The following LCA5 variants were observed in gnomAD, a reference collection of about 807,000 sequenced individuals.
LCA5 encodes the protein lebercilin.
In LCA5, 37 loss-of-function variants were observed where a neutral mutation model predicts 53.0. The observed-to-expected ratio is 0.70, with a 90% CI of 0.54 to 0.92. The LOEUF is 0.92. LCA5 is among the 40% of genes least tolerant of loss of function. The probability of loss-of-function intolerance (pLI) is 0.00; values close to 1 mark genes in which losing one functional copy is unlikely to be tolerated. For missense variants in LCA5, 806 were observed against 790.5 expected (o/e 1.02, Z -0.23); for synonymous variants, 303 against 282.9 (o/e 1.07, Z -0.71).
At chr6:79,529,215 ACT>A in intron 1 of LCA5, among the ~76,000 whole-genome samples, 1 of 152,284 alleles carries the variant, frequency 6.6e-6, no homozygotes, top group African/African-American at 2.4e-5. Context: ...AATTAAACTC[ACT>A]CTCCTAGAAA....
chr6:79,526,093 T>A (rs1167508741), intron 1 of LCA5, among the ~76,000 whole-genome samples: 1 of 152,110 alleles, frequency 6.6e-6, no homozygotes, highest in Non-Finnish European at 1.5e-5. Context: ...CCTCCCGAAC[T>A]AAGACCATTT....
chr6:79,520,999 T>C (rs185353765), intron 1 of LCA5, among the ~76,000 whole-genome samples: 3 of 152,354 alleles, frequency 2.0e-5, no homozygotes, highest in Non-Finnish European at 4.4e-5. Context: ...AAATGTTCTA[T>C]AGTCTGTGCT....
intron 1 of LCA5, among the ~76,000 whole-genome samples, chr6:79,529,952 G>GTTCA (rs1185564973): frequency 8.6e-6 from 1 of 116,140 alleles, no homozygotes; most frequent in Non-Finnish European, 1.7e-5. Flanking sequence ...ACCAGGGGCT[G>GTTCA]TTGTGGGGTG....
At chr6:79,490,259 T>G (rs1769800661) in intron 6 of LCA5, among the ~76,000 whole-genome samples, 3 of 151,982 alleles carry the variant, frequency 2.0e-5, no homozygotes, top group African/African-American at 7.2e-5. Flanking sequence ...TCTAAAGAGC[T>G]TTATAAATGT....
chr6:79,489,898 G>C (rs1769790071), intron 6 of LCA5, among the ~76,000 whole-genome samples: 1 of 152,012 alleles, frequency 6.6e-6, no homozygotes, highest in South Asian at 2.1e-4. Context: ...CAGCTAGAAA[G>C]AACTAATGGA....
At chr6:79,528,211 T>C (rs1173524150) in intron 1 of LCA5, among the ~76,000 whole-genome samples, 2 of 152,212 alleles carry the variant, frequency 1.3e-5, no homozygotes, top group African/African-American at 2.4e-5. Context: ...CATTGTTCTT[T>C]CCTGCATTGC....
chr6:79,517,953 C>T (rs900987039), intron 2 of LCA5, among the ~76,000 whole-genome samples: 1 of 152,140 alleles, frequency 6.6e-6, no homozygotes, highest in African/African-American at 2.4e-5. Context: ...TAAGCTACTG[C>T]TGTGCTACTT....
Position 79,487,345 on chromosome 6 carries a change from C to A in LCA5, c.1753G>T (p.Glu585Ter). 1 of 1,613,720 alleles carries A rather than the reference C, an allele frequency of 6.2e-7. No homozygotes were observed. Among genetic ancestry groups the A allele is most frequent in the Non-Finnish European group, 8.5e-7 (1 of 1,179,856 alleles). The change falls in exon 8 of 8, where the codon GAA becomes TAA. Residue 585 changes from glutamate to a stop codon, truncating the protein, a stop_gained. Coordinates refer to ENST00000369846, the MANE Select transcript of LCA5 (RefSeq NM_001122769.3). LOFTEE classifies it low-confidence loss of function (END_TRUNC). ...SFLDFQRNSM[E>*]KLSKDGVDLI... The stretch of plus-strand genomic sequence containing the variant: ...TCTACACCATCTTTACTAAGTTTTT[C>A]CATACTGTTTCTTTGGAAATCCAAA...
At position 79,492,609 on chromosome 6, in the gene LCA5, A is replaced by G. The variant is rs767145624; in HGVS notation, c.897T>C (p.Ser299=). The G allele has an allele frequency of 2.2e-5, 34 of 1,567,562 alleles. No individual in the cohort carries two copies. Among genetic ancestry groups the G allele is most frequent in the Non-Finnish European group, 4.4e-6 (5 of 1,143,866 alleles). Residue 299 remains serine, a synonymous_variant, in exon 5 of 8, where the codon TCT becomes TCC. Coordinates refer to ENST00000369846, the MANE Select transcript of LCA5 (RefSeq NM_001122769.3). Reference sequence around the variant, plus strand: ...TTGGAGAGGACTTTGGCAGACGATTAGAATATATATTTTTTATATCCAGTT... The same window carrying G: ...TTGGAGAGGACTTTGGCAGACGATTGGAATATATATTTTTTATATCCAGTT... ...ERELDIKNIY[S]NRLPKSSPNK... is the part of the protein sequence containing the mutation.
intron 3 of LCA5, among the ~76,000 whole-genome samples, chr6:79,500,988 T>C (rs1770122979): frequency 6.6e-6 from 1 of 152,172 alleles, no homozygotes. Flanking sequence ...TTAGAGTTAT[T>C]ATTACCTCTT....
rs11301807 is a variant in LCA5, at chr6:79,498,172, TAA to T, written c.721-4424_721-4423del. Among the ~76,000 whole-genome samples, 456 of 145,030 alleles carry T rather than the reference TAA, an allele frequency of 3.1e-3. 3 individuals are homozygous for T. Among genetic ancestry groups the T allele is most frequent in the African/African-American group, 8.9e-3 (355 of 39,670 alleles). ...TGTATGCAAGTTACCCTCAAATAGC[TAA>T]AAAAAAAAAAAGTATGTGTATATAT... On this transcript the variant is annotated intron_variant, in intron 3 of 7. Coordinates refer to ENST00000369846, the MANE Select transcript of LCA5 (RefSeq NM_001122769.3).
chr6:79,513,704 T>G lies in LCA5; in HGVS notation c.228A>C (p.Arg76Ser). 3.1e-6 allele frequency: 5 copies of G among 1,613,732 alleles called. No individual in the cohort carries two copies. Among genetic ancestry groups the G allele is most frequent in the Non-Finnish European group, 4.2e-6 (5 of 1,179,758 alleles). Residue 76 changes from arginine to serine, a missense_variant, in exon 3 of 8, where the codon AGA becomes AGC. Transcript: ENST00000369846. Reference sequence around the variant, plus strand: ...AGCGAAATCCCACTCGGACTCCCTTTCTGTTTGGTAGACCCTTAGGGCTTG... The same window carrying G: ...AGCGAAATCCCACTCGGACTCCCTTGCTGTTTGGTAGACCCTTAGGGCTTG... ...RKPSPKGLPNRKGVRVGFRSQ... is the reference protein window; with the variant it reads ...RKPSPKGLPNSKGVRVGFRSQ...
At chr6:79,515,197 A>G (rs566920305) in intron 2 of LCA5, among the ~76,000 whole-genome samples, 8 of 152,076 alleles carry the variant, frequency 5.3e-5, no homozygotes, top group Non-Finnish European at 1.2e-4. Context: ...CCCAGCCCAT[A>G]GAAAGAAGAC....
At chr6:79,497,928 G>C (rs964235883) in intron 3 of LCA5, among the ~76,000 whole-genome samples, 3 of 143,810 alleles carry the variant, frequency 2.1e-5, no homozygotes, top group Non-Finnish European at 4.5e-5. Context: ...AGCCACTCCA[G>C]AGTGGGCGAC....
At position 79,487,819 on chromosome 6, in the gene LCA5, A is replaced by G. The variant is rs1425512535; in HGVS notation, c.1279T>C (p.Leu427=). 6.2e-7 allele frequency: 1 copy of G among 1,609,638 alleles called. No individual in the cohort carries two copies. Among genetic ancestry groups the G allele is most frequent in the Non-Finnish European group, 8.5e-7 (1 of 1,178,712 alleles). The change falls in exon 8 of 8, where the codon TTA becomes CTA. Residue 427 remains leucine, a synonymous_variant. Coordinates refer to ENST00000369846, the MANE Select transcript of LCA5 (RefSeq NM_001122769.3). ...LDKKQKEKAS[L]LEREEKPEWE... ...TCTGGCTTTTCTTCTCTTTCCAGTA[A>G]AGATGCCTTTTCTTTTTGCTTTTTA...
At chr6:79,538,765 T>G (rs778378961), upstream of LCA5, among the ~76,000 whole-genome samples, 1 of 152,240 alleles carries the variant, frequency 6.6e-6, no homozygotes, top group Non-Finnish European at 1.5e-5. Flanking sequence ...GAGCTGAGAA[T>G]GAAACCACCA....
chr6:79,515,311 G>C (rs9359382), intron 2 of LCA5, among the ~76,000 whole-genome samples: 14,199 of 152,092 alleles, frequency 0.093, 1,483 homozygotes, highest in East Asian at 0.54. Flanking sequence ...ACAGAAAACA[G>C]AAGTACAGGT....
At position 79,501,810 on chromosome 6, in the gene LCA5, C is replaced by CTATATAGT. The variant is rs1291966186; in HGVS notation, c.721-8061_721-8060insACTATATA. ...TTCTCTCTATATAATATATAGAGTT[C>CTATATAGT]TCTATAGTTCTCTATGTATAATATA... On this transcript the variant is annotated intron_variant, in intron 3 of 7. Coordinates refer to ENST00000369846, the MANE Select transcript of LCA5 (RefSeq NM_001122769.3). Among the ~76,000 whole-genome samples the CTATATAGT allele has an allele frequency of 2.7e-5, 4 of 150,434 alleles. No homozygotes were observed. The East Asian group carries it at 7.8e-4, about 29-fold the overall frequency.
intron 1 of LCA5, among the ~76,000 whole-genome samples, chr6:79,523,496 G>A (rs1156429881): frequency 6.6e-6 from 1 of 152,136 alleles, no homozygotes. Context: ...GATTAAATGG[G>A]ATAATTCAAT....
Sources: gnomAD v4.1 joint callset for allele counts (sites outside exome capture counted in the v4.1 genomes callset) on GRCh38, gnomAD v4.1.1 for gene constraint, MANE v1.5 for transcripts, NCBI Gene and HGNC (gene_info 2026-07-23, HGNC 2026-07-21) for gene names.